The following SYT16 variants were observed in gnomAD, a reference collection of about 807,000 sequenced individuals.
SYT16 encodes the protein synaptotagmin 16, also known as synaptotagmin-16.
A neutral mutation model predicts 61.4 loss-of-function variants in SYT16; 42 were observed. The observed-to-expected ratio is 0.68, with a 90% CI of 0.53 to 0.89. The LOEUF is 0.89. Among genes scored for constraint, SYT16 ranks in the 40% least tolerant of loss-of-function variants. The probability of loss-of-function intolerance (pLI) is 0.00; values close to 1 mark genes in which losing one functional copy is unlikely to be tolerated. For synonymous variants in SYT16, 314 were observed against 302.3 expected, an observed-to-expected ratio of 1.04 and a Z score of -0.40; for missense variants, 804 against 807.3, an observed-to-expected ratio of 1.00 and a Z score of 0.05.
intron 3 of SYT16, among the ~76,000 whole-genome samples, chr14:62,041,451 G>T (rs998440080): frequency 6.6e-6 from 1 of 152,162 alleles, no homozygotes; most frequent in Non-Finnish European, 1.5e-5. Context: ...CTTAGACTGT[G>T]TTGAGCCTGT....
intron 1 of SYT16, among the ~76,000 whole-genome samples, chr14:61,960,466 G>A (rs1396289683): frequency 6.6e-6 from 1 of 152,046 alleles, no homozygotes; most frequent in Non-Finnish European, 1.5e-5. Flanking sequence ...TGTGTCTATT[G>A]TGAATGGGAT....
chr14:61,854,706 T>G (rs17256422), intron 1 of SYT16, among the ~76,000 whole-genome samples: 11,863 of 152,324 alleles, frequency 0.078, 537 homozygotes, highest in Non-Finnish European at 0.1. Context: ...ATTGATTGCC[T>G]CCCTAGAAAC....
intron 3 of SYT16, among the ~76,000 whole-genome samples, chr14:62,017,701 C>A (rs937543919): frequency 6.6e-6 from 1 of 152,002 alleles, no homozygotes; most frequent in African/African-American, 2.4e-5. Context: ...GTGCTTTAAG[C>A]AACCATTATT....
At chr14:61,874,439 AG>A (rs2047424430) in intron 1 of SYT16, among the ~76,000 whole-genome samples, 2 of 152,094 alleles carry the variant, frequency 1.3e-5, no homozygotes, top group Admixed American at 1.3e-4. Flanking sequence ...TTTTTATATG[AG>A]GGGGTGATGG....
chr14:62,087,241 G>C lies in SYT16; in HGVS notation c.1624+2856G>C, dbSNP rs114909218. 7.4e-3 allele frequency among the ~76,000 whole-genome samples: 1,127 copies of C among 152,350 alleles called. 9 individuals are homozygous for C. Among genetic ancestry groups the C allele is most frequent in the African/African-American group, 0.026 (1,068 of 41,582 alleles). ...GTTGGAAGGAAGAGGGGGAGAAGAAGAGAGGACAGGAGCCAGGAGAGGAAT... is the reference window on the plus strand; with the variant it reads ...GTTGGAAGGAAGAGGGGGAGAAGAACAGAGGACAGGAGCCAGGAGAGGAAT... On this transcript the variant is annotated intron_variant, in intron 7 of 7. Transcript: ENST00000683842.
At chr14:61,826,293 G>T (rs1267844313) in intron 1 of SYT16, among the ~76,000 whole-genome samples, 3 of 152,020 alleles carry the variant, frequency 2.0e-5, no homozygotes, top group Non-Finnish European at 2.9e-5. Flanking sequence ...GGAGGAAACT[G>T]GGGTACCCAG....
chr14:62,005,317 C>A (rs900698527), intron 3 of SYT16, among the ~76,000 whole-genome samples: 1 of 152,088 alleles, frequency 6.6e-6, no homozygotes, highest in Non-Finnish European at 1.5e-5. Flanking sequence ...GGTCGGTGTA[C>A]ATTGACATTT....
In SYT16 at chr14:62,069,514, G is replaced by A. The variant is rs935187978; in HGVS notation, c.524-89G>A. 31 of 1,306,570 alleles carry A rather than the reference G, an allele frequency of 2.4e-5. No homozygotes were observed. In the East Asian group the frequency reaches 4.4e-4, roughly 19 times the overall value. The allele number at this position is 1,306,570 out of a possible 1,614,324, so 80.9% of individuals were successfully genotyped here. The stretch of plus-strand genomic sequence containing the variant: ...GCCTTCGTTCAAACTCATTGTCCAC[G>A]TTCTTCTCTTCTGTTTTCCTGGAGA... On this transcript the variant is annotated intron_variant, in intron 3 of 7. Coordinates refer to ENST00000683842, the MANE Select transcript of SYT16 (RefSeq NM_001367656.1).
At chr14:61,857,165 GA>G (rs1438283932) in intron 1 of SYT16, among the ~76,000 whole-genome samples, 1 of 152,198 alleles carries the variant, frequency 6.6e-6, no homozygotes, top group Non-Finnish European at 1.5e-5. Context: ...GCTCCACTGA[GA>G]CATCTAAGAA....
chr14:62,097,836 A>C (rs897768366), intron 7 of SYT16, among the ~76,000 whole-genome samples: 4 of 152,336 alleles, frequency 2.6e-5, no homozygotes, highest in African/African-American at 7.2e-5. Flanking sequence ...GATTAACTCA[A>C]TTCCCACTGC....
Position 62,099,860 on chromosome 14 carries a change from G to A in SYT16, c.1625-534G>A, listed in dbSNP as rs531437715. ...GCCACTGCACCCCAGCCTGGGCAAC[G>A]GAGCAAGACCTTGTGTGTCTGTCTG... is the stretch of plus-strand genomic sequence containing the variant. On this transcript the variant is annotated intron_variant, in intron 7 of 7. Coordinates refer to ENST00000683842, the MANE Select transcript of SYT16 (RefSeq NM_001367656.1). 9.6e-4 allele frequency among the ~76,000 whole-genome samples: 145 copies of A among 151,662 alleles called. 1 individual carries two copies. In the Middle Eastern group the frequency reaches 0.031, roughly 32 times the overall value.
chr14:61,883,979 A>G (rs1454577626), intron 1 of SYT16, among the ~76,000 whole-genome samples: 1 of 151,924 alleles, frequency 6.6e-6, no homozygotes, highest in Non-Finnish European at 1.5e-5. Flanking sequence ...AACTGCTCCC[A>G]TGATCCGATT....
intron 1 of SYT16, among the ~76,000 whole-genome samples, chr14:61,836,993 A>G (rs1461156771): frequency 6.6e-6 from 1 of 152,188 alleles, no homozygotes; most frequent in Non-Finnish European, 1.5e-5. Context: ...TAGGAGGAGC[A>G]AGGGAAGTGA....
intron 3 of SYT16, among the ~76,000 whole-genome samples, chr14:62,058,031 A>G (rs2055643824): frequency 1.3e-5 from 2 of 152,344 alleles, no homozygotes; most frequent in Admixed American, 6.5e-5. Context: ...GAGTTATATA[A>G]TGCACATTCT....
chr14:61,929,867 C>T (rs1038735867), intron 1 of SYT16, among the ~76,000 whole-genome samples: 12 of 151,950 alleles, frequency 7.9e-5, no homozygotes, highest in Admixed American at 7.2e-4. Context: ...TGGGCAAGAC[C>T]GCTGAAATAG....
At chr14:61,862,589 C>T (rs2046999257) in intron 1 of SYT16, among the ~76,000 whole-genome samples, 1 of 152,194 alleles carries the variant, frequency 6.6e-6, no homozygotes. Context: ...TCCCACTAGA[C>T]TGATACATTT....
intron 1 of SYT16, among the ~76,000 whole-genome samples, chr14:61,917,419 G>A (rs1471458099): frequency 6.6e-6 from 1 of 152,132 alleles, no homozygotes. Context: ...GGTCCAATAA[G>A]AGCCAGTTCT....
chr14:62,035,258 G>A lies in SYT16; in HGVS notation c.524-34345G>A, dbSNP rs749956988. Among the ~76,000 whole-genome samples the A allele has an allele frequency of 5.9e-5, 9 of 152,298 alleles. No individual in the cohort carries two copies. In the South Asian group the frequency reaches 6.2e-4, roughly 11 times the overall value. On this transcript the variant is annotated intron_variant, in intron 3 of 7. Transcript: ENST00000683842. ...ATATTCCAGAACTCAGCATGCAGCA[G>A]TTCCAAGGGCATGTAGCCCAGTTGT...
rs1465498181 is a variant in SYT16 at position 61,996,343 on chromosome 14, C to T, written c.324C>T (p.Ser108=). 1.9e-6 allele frequency: 3 copies of T among 1,613,436 alleles called. No individual in the cohort carries two copies. The South Asian group carries it at 3.3e-5, about 18-fold the overall frequency. ...ACTCTGCCCAAAATTCAAGCCCAAGCCTTAGCCAACATGCAAAGGACTCAT... is the reference window on the plus strand; with the variant it reads ...ACTCTGCCCAAAATTCAAGCCCAAGTCTTAGCCAACATGCAAAGGACTCAT... ...LQDSAQNSSP[S]LSQHAKDSCS... is the part of the protein sequence containing the mutation. Residue 108 remains serine (S), a synonymous_variant, in exon 3 of 8, where the codon AGC becomes AGT. Transcript: ENST00000683842.
Sources: gnomAD v4.1 joint callset for allele counts (sites outside exome capture counted in the v4.1 genomes callset) on GRCh38, gnomAD v4.1.1 for gene constraint, MANE v1.5 for transcripts, NCBI Gene and HGNC (gene_info 2026-07-23, HGNC 2026-07-21) for gene names.